Variants in MCU observed in about 807,000 individuals in gnomAD.
The protein encoded by MCU is mitochondrial calcium uniporter.
Under a neutral mutation model 45.2 loss-of-function variants are expected in MCU, and 12 were observed. The ratio of observed to expected loss-of-function variants is 0.27; its 90% CI spans 0.17 to 0.43. MCU has a LOEUF of 0.43. Among genes scored for constraint, MCU ranks in the 20% least tolerant of loss-of-function variants. The pLI, the probability that MCU is intolerant of heterozygous loss-of-function variation, is 1.00. For missense variants in MCU, 324 were observed against 436.7 expected, an observed-to-expected ratio of 0.74 and a Z score of 2.30; for synonymous variants, 160 against 165.1, an observed-to-expected ratio of 0.97 and a Z score of 0.24.
intron 1 of MCU, among the ~76,000 whole-genome samples, chr10:72,818,124 A>G (rs1293457396): frequency 6.6e-6 from 1 of 152,242 alleles, no homozygotes; most frequent in Non-Finnish European, 1.5e-5. Context: ...TAAACAGTTG[A>G]TAATTAAGCA....
chr10:72,854,846 G>C (rs541959438), intron 2 of MCU, among the ~76,000 whole-genome samples: 1 of 152,336 alleles, frequency 6.6e-6, no homozygotes, highest in East Asian at 1.9e-4. Context: ...AGAGTTTGTA[G>C]TTGTAACAGA....
intron 1 of MCU, among the ~76,000 whole-genome samples, chr10:72,721,524 T>C (rs1261452170): frequency 6.6e-6 from 1 of 152,236 alleles, no homozygotes; most frequent in Admixed American, 6.5e-5. Flanking sequence ...ACCTCCTTGC[T>C]ATTCCTCAAA....
chr10:72,856,282 A>G (rs1845289370), intron 2 of MCU, among the ~76,000 whole-genome samples: 1 of 152,230 alleles, frequency 6.6e-6, no homozygotes. Flanking sequence ...TGGGGGAATC[A>G]TAGAAATGTT....
intron 1 of MCU, among the ~76,000 whole-genome samples, chr10:72,798,444 A>G (rs1844285774): frequency 6.6e-6 from 1 of 152,030 alleles, no homozygotes; most frequent in African/African-American, 2.4e-5. Flanking sequence ...GGTGCATGTC[A>G]CCATGCCCGG....
intron 1 of MCU, among the ~76,000 whole-genome samples, chr10:72,750,249 TA>T (rs1843475392): frequency 6.6e-6 from 1 of 152,180 alleles, no homozygotes; most frequent in Non-Finnish European, 1.5e-5. Context: ...AGGGAAAAGG[TA>T]AATAATTTTA....
intron 1 of MCU, among the ~76,000 whole-genome samples, chr10:72,814,477 A>G (rs1844595412): frequency 6.6e-6 from 1 of 152,228 alleles, no homozygotes; most frequent in South Asian, 2.1e-4. Flanking sequence ...TTACAATGTA[A>G]TGTGTGAGGA....
intron 1 of MCU, among the ~76,000 whole-genome samples, chr10:72,797,233 T>A (rs959603173): frequency 6.9e-6 from 1 of 144,370 alleles, no homozygotes; most frequent in Non-Finnish European, 1.5e-5. Flanking sequence ...TTTATTTTAT[T>A]TTTTTTTTAA....
chr10:72,839,103 C>G (rs1937195209), intron 2 of MCU, among the ~76,000 whole-genome samples: 1 of 152,008 alleles, frequency 6.6e-6, no homozygotes, highest in Non-Finnish European at 1.5e-5. Context: ...AATTCTCGTG[C>G]CTCAGCCTCC....
chr10:72,828,775 T>C (rs1844834978), intron 1 of MCU, among the ~76,000 whole-genome samples: 1 of 152,210 alleles, frequency 6.6e-6, no homozygotes, highest in Non-Finnish European at 1.5e-5. Context: ...TTAAATCTTA[T>C]GTTTTGGAGA....
chr10:72,881,338 G>A (rs1256780276), intron 6 of MCU, among the ~76,000 whole-genome samples: 1 of 152,092 alleles, frequency 6.6e-6, no homozygotes, highest in African/African-American at 2.4e-5. Context: ...CTTAATGACT[G>A]TAGAATAGAG....
At chr10:72,762,590 T>C (rs764165163) in intron 1 of MCU, among the ~76,000 whole-genome samples, 2 of 152,096 alleles carry the variant, frequency 1.3e-5, no homozygotes, top group Non-Finnish European at 2.9e-5. Flanking sequence ...AGATTCTGGA[T>C]TGAAGAAAAA....
chr10:72,712,619 G>T (rs12412668), intron 1 of MCU, among the ~76,000 whole-genome samples: 1 of 152,180 alleles, frequency 6.6e-6, no homozygotes, highest in Non-Finnish European at 1.5e-5. Context: ...GAATTGTGTC[G>T]TGGTTTTATG....
At chr10:72,775,543 A>G (rs1010588488) in intron 1 of MCU, among the ~76,000 whole-genome samples, 2 of 152,176 alleles carry the variant, frequency 1.3e-5, no homozygotes, top group Non-Finnish European at 2.9e-5. Flanking sequence ...CAAAGTAGAA[A>G]TAAATGAAAT....
chr10:72,803,031 A>G (rs1398379315), intron 1 of MCU, among the ~76,000 whole-genome samples: 2 of 152,198 alleles, frequency 1.3e-5, no homozygotes, highest in African/African-American at 4.8e-5. Flanking sequence ...AAATAGACTA[A>G]TACTCCTTTT....
At chr10:72,782,948 G>C (rs1234308720) in intron 1 of MCU, among the ~76,000 whole-genome samples, 1 of 152,162 alleles carries the variant, frequency 6.6e-6, no homozygotes, top group Non-Finnish European at 1.5e-5. Flanking sequence ...AGGCAAACCT[G>C]AGCAATTTGC....
chr10:72,762,927 A>G (rs1036848802), intron 1 of MCU, among the ~76,000 whole-genome samples: 1 of 152,116 alleles, frequency 6.6e-6, no homozygotes, highest in Non-Finnish European at 1.5e-5. Flanking sequence ...ACGTGTCTTC[A>G]GGGATGTGTT....
chr10:72,806,571 G>C (rs956187197), intron 1 of MCU, among the ~76,000 whole-genome samples: 6 of 152,178 alleles, frequency 3.9e-5, no homozygotes, highest in Non-Finnish European at 7.3e-5. Flanking sequence ...TTCTCTTGGT[G>C]CCAGGAACAT....
intron 1 of MCU, among the ~76,000 whole-genome samples, chr10:72,701,208 A>T (rs969743978): frequency 6.6e-6 from 1 of 152,200 alleles, no homozygotes; most frequent in Non-Finnish European, 1.5e-5. Flanking sequence ...GTTTCTATAG[A>T]TAGAGGAATA....
At chr10:72,696,188 T>G (rs1211292628) in intron 1 of MCU, among the ~76,000 whole-genome samples, 1 of 144,074 alleles carries the variant, frequency 6.9e-6, no homozygotes, top group Non-Finnish European at 1.5e-5. Context: ...AAAAAAAATT[T>G]TTTTTTTTTT....
Sources: allele counts gnomAD v4.1 joint callset (sites outside exome capture counted in the v4.1 genomes callset), GRCh38; gene constraint gnomAD v4.1.1; transcripts MANE v1.5; gene names NCBI Gene and HGNC (gene_info 2026-07-23, HGNC 2026-07-21).